The following SCAF8 variants were observed in gnomAD, a reference collection of about 807,000 sequenced individuals.
The protein encoded by SCAF8 is SR-related and CTD-associated factor 8.
A neutral mutation model predicts 140.5 loss-of-function variants in SCAF8; 23 were observed. The ratio of observed to expected loss-of-function variants is 0.16; its 90% CI spans 0.12 to 0.23. SCAF8 has a LOEUF of 0.23. SCAF8 is among the 10% of genes least tolerant of loss of function. SCAF8 has a pLI of 1.00. For synonymous variants in SCAF8, 575 were observed against 528.9 expected (o/e 1.09, Z -1.20); for missense variants, 1,397 against 1,555.7 (o/e 0.90, Z 1.72).
At chr6:154,797,452 G>A (rs1303519735) in intron 6 of SCAF8, among the ~76,000 whole-genome samples, 2 of 151,230 alleles carry the variant, frequency 1.3e-5, no homozygotes, top group African/African-American at 4.8e-5. Context: ...CTGTAGTACA[G>A]TGGTGCAATC....
chr6:154,779,548 TTG>T lies in SCAF8; in HGVS notation c.159+1505_159+1506del, dbSNP rs530616185. On this transcript the variant is annotated intron_variant, in intron 3 of 19. Transcript: ENST00000367178. ...TAAAAGTGAATTTATGGATAAATGC[TTG>T]TTGACTGATTTGATTTGTGGTAGGG... Among the ~76,000 whole-genome samples, 548 of 152,348 alleles carry T rather than the reference TTG, an allele frequency of 3.6e-3. 11 individuals are homozygous for T. The highest frequency in any genetic ancestry group is 1.4e-3 in the Non-Finnish European group (93 of 68,038).
chr6:154,794,393 A>G (rs1278070511), intron 5 of SCAF8, among the ~76,000 whole-genome samples: 1 of 152,128 alleles, frequency 6.6e-6, no homozygotes, highest in Non-Finnish European at 1.5e-5. Flanking sequence ...CCACATCCAC[A>G]GTTTTGCTTT....
chr6:154,790,785 C>G (rs1583037658), intron 4 of SCAF8, among the ~76,000 whole-genome samples: 1 of 152,072 alleles, frequency 6.6e-6, no homozygotes, highest in Admixed American at 6.5e-5. Flanking sequence ...GCTGGGATTA[C>G]AGGCGTGAGC....
intron 2 of SCAF8, among the ~76,000 whole-genome samples, 160 bp downstream of exon 2, chr6:154,774,232 T>C (rs1006870404): frequency 2.6e-5 from 4 of 152,146 alleles, no homozygotes; most frequent in African/African-American, 9.7e-5. Context: ...ACCTGTAGAC[T>C]CTCCCACCTA....
At chr6:154,763,428 C>T (rs1776462452) in intron 1 of SCAF8, among the ~76,000 whole-genome samples, 1 of 152,150 alleles carries the variant, frequency 6.6e-6, no homozygotes, top group African/African-American at 2.4e-5. Context: ...ATTTTAGGTT[C>T]ACTCTTAAGG....
At chr6:154,756,921 G>A (rs918143357) in intron 1 of SCAF8, among the ~76,000 whole-genome samples, 1 of 152,034 alleles carries the variant, frequency 6.6e-6, no homozygotes, top group Non-Finnish European at 1.5e-5. Flanking sequence ...CCAGCTACTC[G>A]GGAGGCTGAG....
intron 6 of SCAF8, among the ~76,000 whole-genome samples, chr6:154,799,299 G>C (rs949180158): frequency 2.7e-5 from 4 of 150,930 alleles, no homozygotes; most frequent in Non-Finnish European, 5.9e-5. Context: ...TTTATATAGA[G>C]ACAGGATGTC....
intron 3 of SCAF8, among the ~76,000 whole-genome samples, chr6:154,781,072 G>T (rs999751319): frequency 2.6e-5 from 4 of 152,042 alleles, no homozygotes; most frequent in African/African-American, 9.7e-5. Context: ...ATTCTGACTG[G>T]TGTGAGAGTT....
At chr6:154,773,153 A>C (rs1374363188) in intron 1 of SCAF8, among the ~76,000 whole-genome samples, 1 of 152,220 alleles carries the variant, frequency 6.6e-6, no homozygotes, top group African/African-American at 2.4e-5. Context: ...TGCAACCATC[A>C]TCACGTTCCA....
intron 1 of SCAF8, chr6:154,742,028 T>A (rs1248324115): frequency 6.6e-7 from 1 of 1,526,620 alleles, no homozygotes; most frequent in South Asian, 1.2e-5. Flanking sequence ...AGTAAGATGA[T>A]GATAACCCAC....
rs186600684 is a variant in SCAF8 at position 154,798,357 on chromosome 6, G to A, written c.606+3218G>A. Among the ~76,000 whole-genome samples the A allele has an allele frequency of 9.8e-4, 149 of 151,388 alleles. 2 individuals carry two copies. The highest frequency in any genetic ancestry group is 5.0e-3 in the Admixed American group (76 of 15,228). On this transcript the variant is annotated intron_variant, in intron 6 of 19. Coordinates refer to ENST00000367178, the MANE Select transcript of SCAF8 (RefSeq NM_014892.5). ...TGAGTAAGAAATGGATGCTAAGGAT[G>A]AGCTACGTAGACAGAGACAATTGAG...
chr6:154,825,655 CAAAAAAAAAAAA>C (rs34342159), intron 17 of SCAF8, among the ~76,000 whole-genome samples: 10 of 64,352 alleles, frequency 1.6e-4, no homozygotes, highest in African/African-American at 2.4e-4. Context: ...GACCTTGTCT[CAAAAAAAAAAAA>C]AAAAAAAAAG....
chr6:154,816,641 C>T (rs1195603671), intron 13 of SCAF8, among the ~76,000 whole-genome samples: 2 of 152,180 alleles, frequency 1.3e-5, no homozygotes, highest in Non-Finnish European at 2.9e-5. Flanking sequence ...CATCAGGCGT[C>T]TGATTTCATT....
chr6:154,804,406 G>C (rs1039335464), intron 8 of SCAF8, among the ~76,000 whole-genome samples: 4 of 152,132 alleles, frequency 2.6e-5, no homozygotes, highest in Non-Finnish European at 5.9e-5. Context: ...AAATCATGTT[G>C]ATCAGTGTCC....
intron 12 of SCAF8, among the ~76,000 whole-genome samples, chr6:154,812,460 T>C (rs367677093): frequency 3.9e-5 from 6 of 152,280 alleles, no homozygotes; most frequent in South Asian, 4.1e-4. Flanking sequence ...TACTGTGATA[T>C]CTGCTTTATT....
At position 154,810,147 on chromosome 6, in the gene SCAF8, A is replaced by G. The variant is rs368963057; in HGVS notation, c.1359A>G (p.Arg453=). ...CGTATTCAAGTGAAAGGAGAGCCAG[A>G]GAAAGGGAGAAAGAACGACAGAAAA... The part of the protein sequence containing the change: ...SRSYSSERRA[R]EREKERQKKG... The change falls in exon 12 of 20, where the codon AGA becomes AGG. Residue 453 remains arginine, a synonymous_variant. Transcript: ENST00000367178. 3.6e-5 allele frequency: 58 copies of G among 1,613,566 alleles called. No homozygotes were observed. Among genetic ancestry groups the G allele is most frequent in the Non-Finnish European group, 4.7e-5 (56 of 1,179,850 alleles).
chr6:154,796,559 C>T (rs1266560823), intron 6 of SCAF8, among the ~76,000 whole-genome samples: 1 of 152,136 alleles, frequency 6.6e-6, no homozygotes, highest in Non-Finnish European at 1.5e-5. Context: ...ACTCTATTTT[C>T]AAATTAGGAT....
intron 19 of SCAF8, 148 bp downstream of exon 19, chr6:154,831,288 AT>A (rs1778724425): frequency 1.7e-6 from 1 of 573,532 alleles, no homozygotes; most frequent in African/African-American, 1.9e-5. Flanking sequence ...ATGTCCTAAA[AT>A]TTCTATTTGA....
At chr6:154,785,454 G>A (rs998090506) in intron 3 of SCAF8, among the ~76,000 whole-genome samples, 1 of 152,052 alleles carries the variant, frequency 6.6e-6, no homozygotes, top group Non-Finnish European at 1.5e-5. Flanking sequence ...TCTCTTCCTC[G>A]CAATGCATGG....
Sources: allele counts gnomAD v4.1 joint callset (sites outside exome capture counted in the v4.1 genomes callset), GRCh38; gene constraint gnomAD v4.1.1; transcripts MANE v1.5; gene names NCBI Gene and HGNC (gene_info 2026-07-23, HGNC 2026-07-21).